RIN2: variants seen among roughly 807,000 people sequenced by gnomAD.
RIN2 encodes RAB5 interacting protein 2.
Under a neutral mutation model 78.0 loss-of-function variants are expected in RIN2, and 36 were observed. That is an observed-to-expected ratio of 0.46 (90% confidence interval 0.35 to 0.61). The LOEUF (loss-of-function observed/expected upper bound fraction) is 0.61. Among genes scored for constraint, RIN2 ranks in the 20% least tolerant of loss-of-function variants. The pLI, the probability that RIN2 is intolerant of heterozygous loss-of-function variation, is 0.00. For missense variants in RIN2, 1,087 were observed against 1,159.7 expected (o/e 0.94, Z 0.91); for synonymous variants, 466 against 466.8 (o/e 1.00, Z 0.02).
chr20:19,884,187 C>T (rs1425814074), intron 2 of RIN2, among the ~76,000 whole-genome samples: 3 of 148,742 alleles, frequency 2.0e-5, no homozygotes, highest in Admixed American at 6.7e-5. Flanking sequence ...GAAGCCAAGG[C>T]GGGAGGATTG....
chr20:19,948,405 T>C (rs943156391), intron 4 of RIN2, among the ~76,000 whole-genome samples: 1 of 152,124 alleles, frequency 6.6e-6, no homozygotes, highest in African/African-American at 2.4e-5. Flanking sequence ...CATATACATA[T>C]TTTTTTGGAG....
intron 1 of RIN2, among the ~76,000 whole-genome samples, chr20:19,781,725 G>A (rs2034513431): frequency 6.6e-6 from 1 of 152,002 alleles, no homozygotes; most frequent in Non-Finnish European, 1.5e-5. Context: ...ACAGCGCAAG[G>A]CCTATTTAGC....
At chr20:19,770,310 T>C (rs1040467969) in intron 1 of RIN2, among the ~76,000 whole-genome samples, 1 of 152,232 alleles carries the variant, frequency 6.6e-6, no homozygotes, top group Non-Finnish European at 1.5e-5. Context: ...ATTATTTAAT[T>C]TAACAGGACT....
At chr20:19,917,102 A>T (rs1305537859) in intron 3 of RIN2, among the ~76,000 whole-genome samples, 4 of 130,094 alleles carry the variant, frequency 3.1e-5, no homozygotes, top group East Asian at 2.2e-4. Flanking sequence ...GCAGATATTT[A>T]AAAAATTTAA....
intron 3 of RIN2, among the ~76,000 whole-genome samples, chr20:19,927,491 T>C (rs945048027): frequency 1.3e-5 from 2 of 152,066 alleles, no homozygotes; most frequent in East Asian, 3.9e-4. Context: ...CTTGGCTCAC[T>C]GCAACCTCTG....
chr20:19,769,848 C>T (rs2034043534), intron 1 of RIN2, among the ~76,000 whole-genome samples: 1 of 152,192 alleles, frequency 6.6e-6, no homozygotes, highest in Admixed American at 6.5e-5. Flanking sequence ...AGGTGGAAAT[C>T]AACCTCTTTT....
At chr20:19,970,438 T>C (rs1188825624) in intron 7 of RIN2, among the ~76,000 whole-genome samples, 1 of 152,238 alleles carries the variant, frequency 6.6e-6, no homozygotes, top group Non-Finnish European at 1.5e-5. Context: ...CGGTTTAGGA[T>C]TCCACATTCC....
intron 2 of RIN2, among the ~76,000 whole-genome samples, chr20:19,847,591 C>A (rs1430822282): frequency 1.3e-5 from 2 of 152,142 alleles, no homozygotes; most frequent in African/African-American, 4.8e-5. Context: ...CTGTCCAGCA[C>A]TTGACGTGTG....
At chr20:19,942,672 A>G (rs2040928602) in intron 4 of RIN2, among the ~76,000 whole-genome samples, 1 of 152,224 alleles carries the variant, frequency 6.6e-6, no homozygotes, top group South Asian at 2.1e-4. Flanking sequence ...TAGATCATGC[A>G]TGATTTTTCA....
intron 1 of RIN2, among the ~76,000 whole-genome samples, chr20:19,780,418 C>T (rs2034462116): frequency 6.6e-6 from 1 of 152,094 alleles, no homozygotes; most frequent in African/African-American, 2.4e-5. Context: ...CCCTGCTACC[C>T]ACTGAGATAA....
intron 1 of RIN2, among the ~76,000 whole-genome samples, chr20:19,762,705 G>T: frequency 6.6e-6 from 1 of 152,248 alleles, no homozygotes; most frequent in Middle Eastern, 3.4e-3. Flanking sequence ...ACATGTCATC[G>T]TGCTGTGCGA....
At chr20:19,759,007 A>G (rs1458366454) in intron 1 of RIN2, among the ~76,000 whole-genome samples, 1 of 152,014 alleles carries the variant, frequency 6.6e-6, no homozygotes. Flanking sequence ...CCGGGAAGGG[A>G]CGGGGCCACT....
At chr20:19,921,061 CA>C (rs754233516) in intron 3 of RIN2, among the ~76,000 whole-genome samples, 8 of 152,162 alleles carry the variant, frequency 5.3e-5, no homozygotes, top group African/African-American at 4.8e-5. Flanking sequence ...TGCCACTGAT[CA>C]GGGGTGCCGC....
At chr20:19,802,079 A>G (rs1452534137) in intron 2 of RIN2, among the ~76,000 whole-genome samples, 4 of 152,352 alleles carry the variant, frequency 2.6e-5, no homozygotes, top group South Asian at 4.1e-4. Context: ...AAAAGCCAAT[A>G]TATAACATTG....
At chr20:19,909,158 C>T (rs551689018) in intron 3 of RIN2, among the ~76,000 whole-genome samples, 3 of 152,254 alleles carry the variant, frequency 2.0e-5, no homozygotes, top group South Asian at 4.1e-4. Flanking sequence ...GCCACCGCGC[C>T]CAGTCTGCTC....
chr20:19,930,347 T>C (rs1379372370), intron 3 of RIN2, among the ~76,000 whole-genome samples: 4 of 152,138 alleles, frequency 2.6e-5, no homozygotes, highest in Admixed American at 2.0e-4. Flanking sequence ...GTCAGCTTCT[T>C]GTGTGTGGCC....
chr20:19,889,537 C>A (rs1372494274), intron 2 of RIN2, 29 bp from the exon 3 acceptor site: 3 of 1,536,654 alleles, frequency 2.0e-6, no homozygotes, highest in Non-Finnish European at 1.8e-6. Flanking sequence ...ACAGGCTGGA[C>A]TAACCATTAA....
At chr20:19,889,282 G>A (rs2038332296) in intron 2 of RIN2, 7 of 1,108,642 alleles carry the variant, frequency 6.3e-6, no homozygotes, top group Non-Finnish European at 7.7e-6. Context: ...TTCAGCAGGA[G>A]GTGAAACACA....
chr20:19,863,667 A>G (rs889757455), intron 2 of RIN2, among the ~76,000 whole-genome samples: 10 of 152,226 alleles, frequency 6.6e-5, no homozygotes, highest in African/African-American at 2.4e-4. Context: ...TCTCAGGACC[A>G]CTTTCCCAGA....
Sources: gnomAD v4.1 joint callset for allele counts (sites outside exome capture counted in the v4.1 genomes callset) on GRCh38, gnomAD v4.1.1 for gene constraint, MANE v1.5 for transcripts, NCBI Gene and HGNC (gene_info 2026-07-23, HGNC 2026-07-21) for gene names.